GRID2: variants seen among roughly 807,000 people sequenced by gnomAD.
The protein encoded by GRID2 is glutamate receptor ionotropic, delta-2.
GRID2 carries 33 observed loss-of-function variants against 114.8 expected under a neutral mutation model. The observed-to-expected ratio is 0.29, with a 90% CI of 0.22 to 0.38. The LOEUF is 0.38. Ranked by LOEUF, GRID2 falls within the 10% of genes least tolerant of loss-of-function variation. The pLI is 1.00. For missense variants in GRID2, 1,184 were observed against 1,257.7 expected, an observed-to-expected ratio of 0.94 and a Z score of 0.89; for synonymous variants, 505 against 449.9, an observed-to-expected ratio of 1.12 and a Z score of -1.55.
intron 3 of GRID2, among the ~76,000 whole-genome samples, chr4:93,092,239 T>A (rs762078676): frequency 6.6e-6 from 1 of 152,092 alleles, no homozygotes; most frequent in Non-Finnish European, 1.5e-5. Context: ...TTGCATACAT[T>A]TGTCAGGCTG....
intron 13 of GRID2, 58 bp downstream of exon 13, chr4:93,515,469 T>C: frequency 8.7e-7 from 1 of 1,151,984 alleles, no homozygotes; most frequent in East Asian, 2.4e-5. Flanking sequence ...ATGCTGGAAT[T>C]GCGCAGTTGA....
intron 1 of GRID2, among the ~76,000 whole-genome samples, chr4:92,571,395 G>T (rs1348239871): frequency 6.6e-6 from 1 of 152,090 alleles, no homozygotes; most frequent in Non-Finnish European, 1.5e-5. Flanking sequence ...AGTCTTTAGA[G>T]ACCTACAAAG....
At chr4:92,351,153 G>T (rs778109641) in intron 1 of GRID2, among the ~76,000 whole-genome samples, 8 of 151,742 alleles carry the variant, frequency 5.3e-5, no homozygotes, top group Non-Finnish European at 1.0e-4. Flanking sequence ...ACAAGATTTT[G>T]TGTGGACATA....
At chr4:93,611,999 C>A (rs936731963) in intron 13 of GRID2, among the ~76,000 whole-genome samples, 1 of 150,694 alleles carries the variant, frequency 6.6e-6, no homozygotes, top group African/African-American at 2.4e-5. Flanking sequence ...CTGGGTGCTC[C>A]TGTATTGGGT....
chr4:93,082,867 G>A (rs1729989606), intron 2 of GRID2, among the ~76,000 whole-genome samples: 1 of 152,136 alleles, frequency 6.6e-6, no homozygotes, highest in African/African-American at 2.4e-5. Context: ...GAAGAAACAA[G>A]ATTTTATGCT....
intron 1 of GRID2, among the ~76,000 whole-genome samples, chr4:92,461,609 C>T (rs1721498762): frequency 1.3e-5 from 2 of 151,910 alleles, no homozygotes; most frequent in South Asian, 4.2e-4. Context: ...TAATAAAATG[C>T]CTTTTTTTAA....
Position 92,557,940 on chromosome 4 carries a change from G to A in GRID2, c.89-32191G>A, listed in dbSNP as rs531545635. ...TGCAGATACTTTGCATAGAATCACA[G>A]GGCCAGAATAATTTTTAGTTTTATT... On this transcript the variant is annotated intron_variant, in intron 1 of 15. Transcript: ENST00000282020. Among the ~76,000 whole-genome samples, 5 of 152,202 alleles carry A rather than the reference G, an allele frequency of 3.3e-5. No individual in the cohort carries two copies. The East Asian group carries it at 9.6e-4, about 29-fold the overall frequency.
At chr4:92,429,917 A>G (rs1413749252) in intron 1 of GRID2, among the ~76,000 whole-genome samples, 1 of 152,100 alleles carries the variant, frequency 6.6e-6, no homozygotes, top group Non-Finnish European at 1.5e-5. Context: ...AGAAATGTCT[A>G]TTCAGATCTT....
intron 2 of GRID2, among the ~76,000 whole-genome samples, chr4:93,024,436 T>G (rs372455191): frequency 7.6e-4 from 115 of 151,916 alleles, no homozygotes; most frequent in African/African-American, 2.7e-3. Flanking sequence ...AGCTGTAAAT[T>G]TATTGACTTC....
intron 7 of GRID2, among the ~76,000 whole-genome samples, chr4:93,233,323 A>G (rs1746354644): frequency 1.0e-5 from 1 of 96,208 alleles, no homozygotes; most frequent in South Asian, 3.7e-4. Context: ...GATTATTATT[A>G]TTATTATTAT....
Position 93,029,794 on chromosome 4 carries a change from GA to G in GRID2, c.245-55196del, listed in dbSNP as rs1407393647. 2.4e-4 allele frequency among the ~76,000 whole-genome samples: 36 copies of G among 152,140 alleles called. 2 individuals are homozygous for G. The highest frequency in any genetic ancestry group is 1.8e-3 in the Admixed American group (27 of 15,270). On this transcript the variant is annotated intron_variant, in intron 2 of 15. Coordinates refer to ENST00000282020, the MANE Select transcript of GRID2 (RefSeq NM_001510.4). ...AGCGAATTATTGGAATGATTGCTTT[GA>G]AAAATTGCCTGATTAGCTTCTTCTG... is the stretch of plus-strand genomic sequence containing the variant.
intron 2 of GRID2, among the ~76,000 whole-genome samples, chr4:92,766,204 G>T (rs1157313279): frequency 1.3e-5 from 2 of 152,236 alleles, no homozygotes; most frequent in Middle Eastern, 3.4e-3. Context: ...CACAAAAGAG[G>T]ATTCTTTTTG....
rs1729402750 is a variant in GRID2 at position 93,077,110 on chromosome 4, T to C, written c.245-7885T>C. 2.6e-5 allele frequency among the ~76,000 whole-genome samples: 4 copies of C among 152,170 alleles called. No homozygotes were observed. In the South Asian group the frequency reaches 8.3e-4, roughly 31 times the overall value. ...AATCAAGCCAGCTTAAAGACAGTTTTGGTAATTGAGTGTGTGGTGATATCA... is the reference window on the plus strand; with the variant it reads ...AATCAAGCCAGCTTAAAGACAGTTTCGGTAATTGAGTGTGTGGTGATATCA... On this transcript the variant is annotated intron_variant, in intron 2 of 15. Coordinates refer to ENST00000282020, the MANE Select transcript of GRID2 (RefSeq NM_001510.4).
At chr4:92,428,555 A>T (rs1732273048) in intron 1 of GRID2, among the ~76,000 whole-genome samples, 1 of 152,130 alleles carries the variant, frequency 6.6e-6, no homozygotes, top group African/African-American at 2.4e-5. Flanking sequence ...AAGAAGAGAT[A>T]GCATTTATCA....
At chr4:92,870,052 A>G (rs1404993131) in intron 2 of GRID2, among the ~76,000 whole-genome samples, 28 of 151,590 alleles carry the variant, frequency 1.8e-4, no homozygotes. Flanking sequence ...AAAAAAAAAA[A>G]TAGCCAGGCT....
chr4:93,060,016 G>A (rs904903832), intron 2 of GRID2, among the ~76,000 whole-genome samples: 1 of 151,700 alleles, frequency 6.6e-6, no homozygotes, highest in Admixed American at 6.6e-5. Context: ...CTTTCTCAGA[G>A]ATTTTTTTTG....
chr4:92,603,377 C>T (rs1486462918), intron 2 of GRID2, among the ~76,000 whole-genome samples: 3 of 152,056 alleles, frequency 2.0e-5, no homozygotes, highest in Non-Finnish European at 4.4e-5. Context: ...CAACAGAGAT[C>T]TCAGAAATAA....
At chr4:92,830,028 C>T (rs552738124) in intron 2 of GRID2, among the ~76,000 whole-genome samples, 119 of 151,258 alleles carry the variant, frequency 7.9e-4, no homozygotes, top group African/African-American at 2.7e-3. Context: ...AGCAAACTAC[C>T]GTGACACATA....
chr4:92,739,975 A>C (rs1380876761), intron 2 of GRID2, among the ~76,000 whole-genome samples: 1 of 152,218 alleles, frequency 6.6e-6, no homozygotes, highest in Admixed American at 6.5e-5. Context: ...ATCTCATTAT[A>C]GAAGGATATT....
Sources: gnomAD v4.1 joint callset for allele counts (sites outside exome capture counted in the v4.1 genomes callset) on GRCh38, gnomAD v4.1.1 for gene constraint, MANE v1.5 for transcripts, NCBI Gene and HGNC (gene_info 2026-07-23, HGNC 2026-07-21) for gene names.